MTUS2: variants seen among roughly 807,000 people sequenced by gnomAD.
The protein encoded by MTUS2 is microtubule-associated tumor suppressor candidate 2.
Under a neutral mutation model 114.1 loss-of-function variants are expected in MTUS2, and 40 were observed. The observed-to-expected ratio is 0.35, with a 90% confidence interval of 0.27 to 0.46. MTUS2 has a LOEUF of 0.46. Among genes scored for constraint, MTUS2 ranks in the 20% least tolerant of loss-of-function variants. The probability of loss-of-function intolerance (pLI) is 1.00; values close to 1 mark genes in which losing one functional copy is unlikely to be tolerated. For missense variants in MTUS2, 1,679 were observed against 1,705.4 expected, an observed-to-expected ratio of 0.98 and a Z score of 0.27; for synonymous variants, 688 against 672.0, an observed-to-expected ratio of 1.02 and a Z score of -0.37.
chr13:28,988,817 G>A (rs1884698793), intron 2 of MTUS2, among the ~76,000 whole-genome samples: 1 of 152,160 alleles, frequency 6.6e-6, no homozygotes, highest in South Asian at 2.1e-4. Flanking sequence ...CTAAAAACTA[G>A]AGAAGGCTTT....
chr13:29,383,307 A>C (rs2138376295), intron 8 of MTUS2, among the ~76,000 whole-genome samples: 1 of 148,404 alleles, frequency 6.7e-6, no homozygotes, highest in African/African-American at 2.5e-5. Context: ...CAGCCATCTT[A>C]GTAAAAATCA....
chr13:29,103,180 T>C (rs944867370), intron 5 of MTUS2, among the ~76,000 whole-genome samples: 1 of 152,184 alleles, frequency 6.6e-6, no homozygotes, highest in Admixed American at 6.5e-5. Flanking sequence ...ATCTGAAACA[T>C]GAGCATGATA....
intron 1 of MTUS2, among the ~76,000 whole-genome samples, chr13:28,833,934 AAG>A (rs1203574019): frequency 6.6e-6 from 1 of 152,164 alleles, no homozygotes; most frequent in Non-Finnish European, 1.5e-5. Context: ...TAGTATCAAA[AAG>A]AATAAGATAT....
chr13:29,195,427 C>T (rs185835292), intron 5 of MTUS2, among the ~76,000 whole-genome samples: 6 of 148,294 alleles, frequency 4.0e-5, no homozygotes, highest in African/African-American at 1.5e-4. Context: ...AATGTATTAG[C>T]TATTTTCGTA....
At chr13:28,984,804 G>C (rs767828402) in intron 2 of MTUS2, among the ~76,000 whole-genome samples, 2 of 152,220 alleles carry the variant, frequency 1.3e-5, no homozygotes, top group Non-Finnish European at 2.9e-5. Flanking sequence ...CCCTGTATCA[G>C]ATACGTTATT....
intron 8 of MTUS2, among the ~76,000 whole-genome samples, chr13:29,389,713 A>ATATG (rs1873126949): frequency 8.0e-6 from 1 of 124,522 alleles, no homozygotes; most frequent in African/African-American, 3.2e-5. Context: ...GTGTATATGT[A>ATATG]TATATACATA....
chr13:29,466,876 C>CAAAAAAAAAAAA (rs11296600), intron 9 of MTUS2, among the ~76,000 whole-genome samples: 10 of 87,616 alleles, frequency 1.1e-4, no homozygotes, highest in Non-Finnish European at 1.4e-4. Flanking sequence ...GACCTCATCT[C>CAAAAAAAAAAAA]AAAAAAAAAA....
At chr13:29,238,380 A>G (rs1896614025) in intron 5 of MTUS2, among the ~76,000 whole-genome samples, 1 of 152,248 alleles carries the variant, frequency 6.6e-6, no homozygotes, top group Non-Finnish European at 1.5e-5. Context: ...GCTGTCTGCA[A>G]GCTGAGGAGC....
intron 2 of MTUS2, among the ~76,000 whole-genome samples, chr13:28,925,372 A>C (rs1881269196): frequency 1.3e-5 from 2 of 152,252 alleles, no homozygotes; most frequent in African/African-American, 2.4e-5. Context: ...TGAGTACATG[A>C]AAATGAATTT....
At chr13:29,104,234 A>G (rs921006796) in intron 5 of MTUS2, among the ~76,000 whole-genome samples, 1 of 152,150 alleles carries the variant, frequency 6.6e-6, no homozygotes, top group Non-Finnish European at 1.5e-5. Flanking sequence ...AATTATGTTC[A>G]TAGGTCCTCA....
intron 5 of MTUS2, among the ~76,000 whole-genome samples, chr13:29,182,508 A>T (rs1308828151): frequency 6.6e-6 from 1 of 152,222 alleles, no homozygotes; most frequent in Non-Finnish European, 1.5e-5. Flanking sequence ...CATCACCTTT[A>T]TACCTTGTAC....
rs1898349917 is a variant in MTUS2, at chr13:29,283,307, G to T, written c.2806+1442G>T. 2.6e-5 allele frequency among the ~76,000 whole-genome samples: 4 copies of T among 152,172 alleles called. No individual in the cohort carries two copies. The South Asian group carries it at 8.3e-4, about 32-fold the overall frequency. On this transcript the variant is annotated intron_variant, in intron 6 of 15. Transcript: ENST00000612955. ...TAATTTTGTTCTTCCTCAGGGGAAGGTAAGCTTCTGGGGGTGGTGACTGTG... is the reference window on the plus strand; with the variant it reads ...TAATTTTGTTCTTCCTCAGGGGAAGTTAAGCTTCTGGGGGTGGTGACTGTG...
chr13:29,074,131 T>G (rs1379430255), intron 4 of MTUS2, among the ~76,000 whole-genome samples: 5 of 152,088 alleles, frequency 3.3e-5, no homozygotes, highest in African/African-American at 9.7e-5. Context: ...CCTTTAAAAT[T>G]CTTTGTTGGC....
chr13:28,918,578 T>G lies in MTUS2; in HGVS notation c.-243+78728T>G, dbSNP rs573068753. ...TCTTCATAGGTGAAGTGTGGTTTTT[T>G]TGTGTGTGTGGGGAACAGATAATTG... On this transcript the variant is annotated intron_variant, in intron 2 of 15. Transcript: ENST00000612955. 5.3e-5 allele frequency among the ~76,000 whole-genome samples: 8 copies of G among 152,094 alleles called. No homozygotes were observed. In the East Asian group the frequency reaches 9.6e-4, roughly 18 times the overall value.
At chr13:28,865,065 ATATGTGTGTGTGTC>A (rs1414556882) in intron 2 of MTUS2, among the ~76,000 whole-genome samples, 7 of 152,156 alleles carry the variant, frequency 4.6e-5, no homozygotes, top group African/African-American at 9.6e-5. Flanking sequence ...GTGTCTGTGT[ATATGTGTGTGTGTC>A]TATGTGTGTG....
intron 5 of MTUS2, among the ~76,000 whole-genome samples, chr13:29,275,022 T>G (rs1486252530): frequency 6.6e-6 from 1 of 152,160 alleles, no homozygotes; most frequent in Non-Finnish European, 1.5e-5. Context: ...GTGTGAGCCA[T>G]CATGCCCAGC....
intron 5 of MTUS2, among the ~76,000 whole-genome samples, chr13:29,153,501 G>C (rs1287836140): frequency 3.3e-5 from 5 of 152,100 alleles, no homozygotes; most frequent in Admixed American, 2.0e-4. Context: ...AAGCGAGGAG[G>C]GGGCAGGAAC....
intron 9 of MTUS2, among the ~76,000 whole-genome samples, chr13:29,456,209 C>T (rs1435780843): frequency 1.3e-5 from 2 of 152,092 alleles, no homozygotes; most frequent in Admixed American, 1.3e-4. Flanking sequence ...AACAGAACCT[C>T]TGAAATAAAT....
chr13:29,456,950 A>G (rs1355342758), intron 9 of MTUS2, among the ~76,000 whole-genome samples: 1 of 151,908 alleles, frequency 6.6e-6, no homozygotes, highest in African/African-American at 2.4e-5. Context: ...ATCCTGGCTA[A>G]CATGGTGAAA....
Sources: allele counts gnomAD v4.1 joint callset (sites outside exome capture counted in the v4.1 genomes callset), GRCh38; gene constraint gnomAD v4.1.1; transcripts MANE v1.5; gene names NCBI Gene and HGNC (gene_info 2026-07-23, HGNC 2026-07-21).